Variants in SLC35H1 observed in about 807,000 individuals in gnomAD.
SLC35H1 encodes ovarian cancer-overexpressed gene 1 protein.
At chr20:46,362,877 C>T in the SLC35H1 span, among the ~76,000 whole-genome samples, 2 of 152,238 alleles carry the variant, frequency 1.3e-5, no homozygotes, top group Non-Finnish European at 2.9e-5. Flanking sequence ...AGTGATTCTC[C>T]CGCCTCAGGC....
chr20:46,350,495 GC>G, the SLC35H1 span: 1 of 1,611,682 alleles, frequency 6.2e-7, no homozygotes, highest in Non-Finnish European at 8.5e-7. Flanking sequence ...CTGGAGCCCA[GC>G]CCCTTCAAGG....
the SLC35H1 span, chr20:46,350,182 T>C: frequency 2.2e-6 from 1 of 451,556 alleles, no homozygotes; most frequent in Non-Finnish European, 3.9e-6. Context: ...GGCCCAGCTC[T>C]GGCCAGTCCC....
chr20:46,352,040 C>T, the SLC35H1 span: 20 of 1,613,266 alleles, frequency 1.2e-5, no homozygotes, highest in Admixed American at 1.7e-5. Context: ...GCATCACGCC[C>T]GAGTCTGTAC....
the SLC35H1 span, chr20:46,352,305 T>G: frequency 1.6e-6 from 2 of 1,286,450 alleles, no homozygotes; most frequent in South Asian, 1.3e-5. Flanking sequence ...ACACAAGATC[T>G]TCCACTGTAG....
chr20:46,354,992 AG>A, the SLC35H1 span: 1 of 1,613,700 alleles, frequency 6.2e-7, no homozygotes, highest in African/African-American at 1.3e-5. Context: ...AGGCACCATC[AG>A]GTCTGGTCCG....
the SLC35H1 span, chr20:46,350,232 G>C: frequency 1.3e-6 from 1 of 785,738 alleles, no homozygotes; most frequent in African/African-American, 1.7e-5. Context: ...ACCAGGCTCT[G>C]AAGGGAGGGG....
chr20:46,357,452 C>T, the SLC35H1 span, among the ~76,000 whole-genome samples: 3 of 152,282 alleles, frequency 2.0e-5, no homozygotes, highest in South Asian at 6.2e-4. Flanking sequence ...ACGCAGTGCA[C>T]AAGAGGCAGC....
At chr20:46,364,309 C>G in the SLC35H1 span, 1 of 152,286 alleles carries the variant, frequency 6.6e-6, no homozygotes, top group African/African-American at 2.4e-5. Context: ...CGCTTCCCTT[C>G]TCCAGCCCCG....
At chr20:46,357,132 G>GAGGGCCCCTCCTCCC in the SLC35H1 span, among the ~76,000 whole-genome samples, 20 of 152,182 alleles carry the variant, frequency 1.3e-4, no homozygotes, top group Non-Finnish European at 2.8e-4. Context: ...CTCGGGCCAC[G>GAGGGCCCCTCCTCCC]AGGGCCCCTC....
At chr20:46,364,052 C>G in the SLC35H1 span, 4 of 152,294 alleles carry the variant, frequency 2.6e-5, no homozygotes, top group Non-Finnish European at 4.4e-5. Flanking sequence ...GTTTACTGCC[C>G]GCCCCAATCC....
the SLC35H1 span, chr20:46,352,630 C>T: frequency 3.1e-5 from 5 of 162,708 alleles, no homozygotes; most frequent in African/African-American, 1.4e-4. Context: ...CGATGGGATC[C>T]TAGCGGGATG....
At chr20:46,356,966 ACAAACTCCTCCACG>A in the SLC35H1 span, among the ~76,000 whole-genome samples, 12 of 12,224 alleles carry the variant, frequency 9.8e-4, no homozygotes, top group Admixed American at 0.014. Context: ...AGGATGGAAC[ACAAACTCCTCCACG>A]GGGAATCCGG....
the SLC35H1 span, chr20:46,356,459 G>T: frequency 3.9e-6 from 4 of 1,022,418 alleles, no homozygotes; most frequent in East Asian, 2.5e-5. Context: ...AGAGAGCAAG[G>T]GCTGGTCCCA....
At chr20:46,356,554 A>G in the SLC35H1 span, 1 of 1,613,550 alleles carries the variant, frequency 6.2e-7, no homozygotes, top group Non-Finnish European at 8.5e-7. Flanking sequence ...GGGAGGCAGC[A>G]GGGCATGGCC....
At chr20:46,357,826 C>A in the SLC35H1 span, 32 of 1,598,478 alleles carry the variant, frequency 2.0e-5, 1 homozygote, top group East Asian at 5.4e-4. Flanking sequence ...GCCTGCCCCC[C>A]ACCGGCTCCC....
chr20:46,357,820 GC>G, the SLC35H1 span: 10 of 1,603,282 alleles, frequency 6.2e-6, no homozygotes, highest in East Asian at 9.0e-5. Flanking sequence ...TAGACAGCCT[GC>G]CCCCCACCGG....
chr20:46,352,063 G>A, the SLC35H1 span: 411 of 1,614,126 alleles, frequency 2.5e-4, no homozygotes, highest in African/African-American at 2.4e-3. Flanking sequence ...TAAAAATGCC[G>A]GCAATGGAGA....
At chr20:46,350,794 G>C in the SLC35H1 span, 2 of 1,614,156 alleles carry the variant, frequency 1.2e-6, no homozygotes, top group South Asian at 2.2e-5. Context: ...GCAACGTGGA[G>C]GGATATTCCC....
the SLC35H1 span, chr20:46,358,791 G>T: frequency 7.4e-7 from 1 of 1,355,304 alleles, no homozygotes; most frequent in Non-Finnish European, 1.0e-6. Context: ...CCGCTCTGGA[G>T]CCTCAGGCAG....
Sources: gnomAD v4.1 joint callset for allele counts (sites outside exome capture counted in the v4.1 genomes callset) on GRCh38, gnomAD v4.1.1 for gene constraint, MANE v1.5 for transcripts, NCBI Gene and HGNC (gene_info 2026-07-23, HGNC 2026-07-21) for gene names.